The following DLG2 variants were observed in gnomAD, a reference collection of about 807,000 sequenced individuals.
DLG2 encodes disks large homolog 2.
In DLG2, 45 loss-of-function variants were observed where a neutral mutation model predicts 132.5. The observed-to-expected ratio is 0.34, with a 90% confidence interval of 0.27 to 0.44. The LOEUF (loss-of-function observed/expected upper bound fraction) is 0.44. Ranked by LOEUF, DLG2 falls within the 20% of genes least tolerant of loss-of-function variation. The pLI is 1.00. For missense variants in DLG2, 1,045 were observed against 1,196.9 expected, an observed-to-expected ratio of 0.87 and a Z score of 1.87; for synonymous variants, 424 against 419.6, an observed-to-expected ratio of 1.01 and a Z score of -0.13.
chr11:85,363,447 T>C (rs286044), intron 3 of DLG2, among the ~76,000 whole-genome samples: 133,200 of 152,230 alleles, frequency 0.87, 58,547 homozygotes, highest in Middle Eastern at 0.92. Flanking sequence ...TGACGATTTC[T>C]TCTAATTGTA....
chr11:84,476,894 T>A (rs1051653638), intron 7 of DLG2, among the ~76,000 whole-genome samples: 1 of 152,174 alleles, frequency 6.6e-6, no homozygotes. Flanking sequence ...ATCCCTGCTG[T>A]GTCTTATCTG....
intron 11 of DLG2, among the ~76,000 whole-genome samples, chr11:84,012,645 A>G (rs1002142182): frequency 6.6e-6 from 1 of 152,170 alleles, no homozygotes; most frequent in African/African-American, 2.4e-5. Flanking sequence ...GTTAGGTTGA[A>G]GGGGAGAAAA....
At chr11:84,975,612 C>A (rs912651528) in intron 6 of DLG2, among the ~76,000 whole-genome samples, 1 of 152,040 alleles carries the variant, frequency 6.6e-6, no homozygotes, top group Admixed American at 6.6e-5. Context: ...GGGAAAAAAT[C>A]AATTTACTTA....
chr11:84,078,278 C>G (rs1566376694), intron 10 of DLG2, among the ~76,000 whole-genome samples: 1 of 152,124 alleles, frequency 6.6e-6, no homozygotes, highest in Non-Finnish European at 1.5e-5. Context: ...GGGAAGAAAA[C>G]TGAATTCCTT....
chr11:83,611,674 G>A (rs1343500239), intron 19 of DLG2, among the ~76,000 whole-genome samples: 1 of 152,132 alleles, frequency 6.6e-6, no homozygotes, highest in East Asian at 1.9e-4. Flanking sequence ...TCACTGAATG[G>A]TACTGAATGA....
intron 6 of DLG2, among the ~76,000 whole-genome samples, chr11:85,095,415 T>G (rs1207410486): frequency 6.6e-6 from 1 of 152,238 alleles, no homozygotes. Context: ...TTATTTGCTC[T>G]TCAATCCCTA....
At chr11:84,032,636 T>G (rs1184303713) in intron 11 of DLG2, among the ~76,000 whole-genome samples, 1 of 152,202 alleles carries the variant, frequency 6.6e-6, no homozygotes, top group Non-Finnish European at 1.5e-5. Flanking sequence ...AGATCATTGA[T>G]GAAGGCAACT....
chr11:84,389,184 G>C (rs979600097), intron 7 of DLG2, among the ~76,000 whole-genome samples: 1 of 151,892 alleles, frequency 6.6e-6, no homozygotes, highest in Non-Finnish European at 1.5e-5. Context: ...CAATATAAAG[G>C]GTATTTCATT....
At chr11:84,585,731 A>T (rs1230335177) in intron 6 of DLG2, among the ~76,000 whole-genome samples, 1 of 152,200 alleles carries the variant, frequency 6.6e-6, no homozygotes, top group Admixed American at 6.5e-5. Context: ...ACTCCTATGT[A>T]ACTTATTTTG....
At chr11:84,342,307 T>C (rs1387848206) in intron 7 of DLG2, among the ~76,000 whole-genome samples, 3 of 152,242 alleles carry the variant, frequency 2.0e-5, no homozygotes, top group Non-Finnish European at 2.9e-5. Context: ...AATGCCCACC[T>C]ACATTTAAAA....
intron 6 of DLG2, among the ~76,000 whole-genome samples, chr11:84,737,298 G>T (rs2063965251): frequency 6.6e-6 from 1 of 152,040 alleles, no homozygotes; most frequent in African/African-American, 2.4e-5. Context: ...AGGGGTATTA[G>T]TCTGTAACAT....
chr11:84,299,048 A>T (rs1270300018), intron 7 of DLG2, among the ~76,000 whole-genome samples: 1 of 152,222 alleles, frequency 6.6e-6, no homozygotes, highest in African/African-American at 2.4e-5. Context: ...TATCACACAC[A>T]TTTAAGAAAC....
chr11:83,883,804 CA>C (rs71463186), intron 15 of DLG2, among the ~76,000 whole-genome samples: 1,884 of 123,394 alleles, frequency 0.015, 24 homozygotes, highest in African/African-American at 0.029. Flanking sequence ...AACATGTATA[CA>C]AAAAAAAAAA....
chr11:84,726,849 A>G (rs1026781589), intron 6 of DLG2, among the ~76,000 whole-genome samples: 12 of 152,090 alleles, frequency 7.9e-5, no homozygotes, highest in Non-Finnish European at 1.5e-4. Flanking sequence ...TTTCTCTAAT[A>G]ACCAGTGATA....
intron 6 of DLG2, among the ~76,000 whole-genome samples, chr11:84,811,091 G>A (rs1046256177): frequency 2.0e-5 from 3 of 152,064 alleles, no homozygotes; most frequent in African/African-American, 4.8e-5. Flanking sequence ...GGGATCTAAC[G>A]CTCTGTATTA....
intron 4 of DLG2, among the ~76,000 whole-genome samples, chr11:85,275,911 GA>G (rs113976710): frequency 1.4e-3 from 212 of 148,998 alleles, no homozygotes; most frequent in African/African-American, 3.3e-3. Context: ...CTCCCCAAGG[GA>G]AAAAAAAAAA....
At chr11:83,910,121 G>C (rs1330993159) in intron 15 of DLG2, among the ~76,000 whole-genome samples, 1 of 152,146 alleles carries the variant, frequency 6.6e-6, no homozygotes, top group Non-Finnish European at 1.5e-5. Context: ...AAGTGAAGTG[G>C]AGTGTAGACT....
chr11:84,691,689 C>T (rs2058062775), intron 6 of DLG2, among the ~76,000 whole-genome samples: 1 of 151,260 alleles, frequency 6.6e-6, no homozygotes, highest in Non-Finnish European at 1.5e-5. Flanking sequence ...TAATGGCAAC[C>T]CACACCATTA....
intron 3 of DLG2, among the ~76,000 whole-genome samples, chr11:85,503,653 C>G (rs2093856640): frequency 6.6e-6 from 1 of 151,934 alleles, no homozygotes; most frequent in Admixed American, 6.6e-5. Flanking sequence ...AAACAAAGAC[C>G]AGGAATGGTG....
Sources: gnomAD v4.1 joint callset for allele counts (sites outside exome capture counted in the v4.1 genomes callset) on GRCh38, gnomAD v4.1.1 for gene constraint, MANE v1.5 for transcripts, NCBI Gene and HGNC (gene_info 2026-07-23, HGNC 2026-07-21) for gene names.